WWOX: variants seen among roughly 807,000 people sequenced by gnomAD.
WWOX encodes WW domain containing oxidoreductase, also known as WW domain-containing oxidoreductase.
Under a neutral mutation model 46.2 loss-of-function variants are expected in WWOX, and 69 were observed. The ratio of observed to expected loss-of-function variants is 1.49; its 90% CI spans 1.23 to 1.82. The LOEUF (loss-of-function observed/expected upper bound fraction) is 1.82. Ranked by LOEUF, WWOX falls within the 40% of genes most tolerant of loss-of-function variation. The probability of loss-of-function intolerance (pLI) is 0.00; values close to 1 mark genes in which losing one functional copy is unlikely to be tolerated. For missense variants in WWOX, 919 were observed against 542.6 expected, an observed-to-expected ratio of 1.69 and a Z score of -6.89; for synonymous variants, 359 against 202.6, an observed-to-expected ratio of 1.77 and a Z score of -6.56.
chr16:78,781,021 C>T (rs2050311259), intron 8 of WWOX, among the ~76,000 whole-genome samples: 1 of 152,204 alleles, frequency 6.6e-6, no homozygotes, highest in African/African-American at 2.4e-5. Flanking sequence ...TCCTCTGCCA[C>T]CTCTCCACAT....
chr16:78,635,411 G>T (rs2046543592), intron 8 of WWOX, among the ~76,000 whole-genome samples: 1 of 152,122 alleles, frequency 6.6e-6, no homozygotes, highest in African/African-American at 2.4e-5. Flanking sequence ...GGAACTAGGG[G>T]AGCGCTAATG....
At chr16:78,744,585 C>G (rs2142428156) in intron 8 of WWOX, among the ~76,000 whole-genome samples, 1 of 152,000 alleles carries the variant, frequency 6.6e-6, no homozygotes, top group African/African-American at 2.4e-5. Flanking sequence ...GCACCTGCCA[C>G]CACACCTGGC....
intron 8 of WWOX, among the ~76,000 whole-genome samples, chr16:78,566,722 G>C (rs2044577995): frequency 6.6e-6 from 1 of 152,176 alleles, no homozygotes; most frequent in African/African-American, 2.4e-5. Context: ...CACCAAAGTG[G>C]GCTTTACTTC....
intron 8 of WWOX, among the ~76,000 whole-genome samples, chr16:78,632,590 G>A (rs933175681): frequency 1.4e-4 from 12 of 84,256 alleles, no homozygotes; most frequent in South Asian, 3.4e-4. Context: ...GTGGAGTCTC[G>A]TTCTGTCTCC....
intron 8 of WWOX, chr16:78,825,763 T>C (rs12918472): frequency 0.33 from 192,982 of 585,726 alleles, 32,853 homozygotes; most frequent in Middle Eastern, 0.41. Flanking sequence ...GCGGAGACCA[T>C]GTTAACTAGT....
intron 8 of WWOX, among the ~76,000 whole-genome samples, chr16:78,852,107 G>A (rs2052458236): frequency 6.6e-6 from 1 of 152,128 alleles, no homozygotes; most frequent in Non-Finnish European, 1.5e-5. Flanking sequence ...TCATTTTGAG[G>A]TCATTTTGTT....
At chr16:78,481,909 G>C (rs2738687) in intron 8 of WWOX, among the ~76,000 whole-genome samples, 1 of 152,134 alleles carries the variant, frequency 6.6e-6, no homozygotes, top group East Asian at 1.9e-4. Flanking sequence ...TCTGCAGAGA[G>C]AGAACCTTTC....
At chr16:78,898,373 G>T (rs2044750029) in intron 8 of WWOX, 1 of 152,020 alleles carries the variant, frequency 6.6e-6, no homozygotes. Flanking sequence ...CTCTCCAATT[G>T]TTCTAGCACT....
intron 8 of WWOX, among the ~76,000 whole-genome samples, chr16:79,031,849 A>G: frequency 7.2e-6 from 1 of 138,482 alleles, no homozygotes; most frequent in East Asian, 2.0e-4. Flanking sequence ...ATCTTATTAT[A>G]TATTATATAT....
At chr16:78,910,474 T>C (rs780387754) in intron 8 of WWOX, among the ~76,000 whole-genome samples, 7 of 151,146 alleles carry the variant, frequency 4.6e-5, no homozygotes, top group Non-Finnish European at 8.8e-5. Context: ...CAGTGTGGTG[T>C]TTCATGTTAG....
At chr16:78,826,299 T>C (rs2051655277) in intron 8 of WWOX, among the ~76,000 whole-genome samples, 1 of 152,304 alleles carries the variant, frequency 6.6e-6, no homozygotes. Flanking sequence ...TGAGCCAAGA[T>C]CGTGCCATTG....
Position 78,884,888 on chromosome 16 carries a change from A to G in WWOX, c.1057-326720A>G, listed in dbSNP as rs73579386. On this transcript the variant is annotated intron_variant, in intron 8 of 8. Transcript: ENST00000566780. ...GAGAATTAAAGGAAATAATAATAAT[A>G]TAAAGCACAATCAATGCATTCCATT... Among the ~76,000 whole-genome samples, 596 of 152,356 alleles carry G rather than the reference A, an allele frequency of 3.9e-3. 3 individuals carry two copies. Among genetic ancestry groups the G allele is most frequent in the African/African-American group, 0.014 (580 of 41,586 alleles).
At chr16:78,159,536 GA>G (rs1199332103) in intron 4 of WWOX, among the ~76,000 whole-genome samples, 9 of 152,068 alleles carry the variant, frequency 5.9e-5, no homozygotes, top group Admixed American at 2.0e-4. Context: ...GGTGTGAGGT[GA>G]CATCTCACTG....
chr16:78,533,469 G>A (rs1567627025), intron 8 of WWOX, among the ~76,000 whole-genome samples: 1 of 151,912 alleles, frequency 6.6e-6, no homozygotes, highest in Non-Finnish European at 1.5e-5. Context: ...TTATGAATTT[G>A]TGTTGGGCCA....
chr16:78,674,010 C>G (rs1246917998), intron 8 of WWOX, among the ~76,000 whole-genome samples: 1 of 151,920 alleles, frequency 6.6e-6, no homozygotes, highest in East Asian at 1.9e-4. Flanking sequence ...CTGCAAGAGA[C>G]CGCTTGAAAT....
At chr16:79,153,972 C>T (rs1371069910) in intron 8 of WWOX, among the ~76,000 whole-genome samples, 1 of 152,086 alleles carries the variant, frequency 6.6e-6, no homozygotes, top group Non-Finnish European at 1.5e-5. Flanking sequence ...GTGATGCTAG[C>T]CATGGATGCA....
At chr16:78,579,540 G>A (rs2044994550) in intron 8 of WWOX, among the ~76,000 whole-genome samples, 1 of 152,166 alleles carries the variant, frequency 6.6e-6, no homozygotes, top group South Asian at 2.1e-4. Context: ...GATGCTAGGT[G>A]AGGTGCTGTG....
At chr16:78,446,819 C>T (rs554343208) in intron 8 of WWOX, among the ~76,000 whole-genome samples, 2 of 151,798 alleles carry the variant, frequency 1.3e-5, no homozygotes, top group African/African-American at 2.4e-5. Context: ...TGCTACTACC[C>T]CCGGCAAACT....
chr16:79,194,687 C>G (rs1183809129), intron 8 of WWOX, among the ~76,000 whole-genome samples: 4 of 152,318 alleles, frequency 2.6e-5, no homozygotes, highest in East Asian at 3.9e-4. Flanking sequence ...ACAGCCCCCG[C>G]TCTGCTGAGT....
Sources: gnomAD v4.1 joint callset for allele counts (sites outside exome capture counted in the v4.1 genomes callset) on GRCh38, gnomAD v4.1.1 for gene constraint, MANE v1.5 for transcripts, NCBI Gene and HGNC (gene_info 2026-07-23, HGNC 2026-07-21) for gene names.